PSD3: variants seen among roughly 807,000 people sequenced by gnomAD.
PSD3 encodes PH and SEC7 domain-containing protein 3.
PSD3 carries 49 observed loss-of-function variants against 105.5 expected under a neutral mutation model. The observed-to-expected ratio is 0.46, with a 90% CI of 0.37 to 0.59. PSD3 has a LOEUF of 0.59. PSD3 is among the 20% of genes least tolerant of loss of function. The probability of loss-of-function intolerance (pLI) is 0.00; values close to 1 mark genes in which losing one functional copy is unlikely to be tolerated. For synonymous variants in PSD3, 557 were observed against 457.8 expected, an observed-to-expected ratio of 1.22 and a Z score of -2.77; for missense variants, 1,561 against 1,263.8, an observed-to-expected ratio of 1.24 and a Z score of -3.57.
intron 8 of PSD3, among the ~76,000 whole-genome samples, chr8:18,777,554 C>A (rs1023693483): frequency 2.6e-5 from 4 of 152,056 alleles, no homozygotes; most frequent in African/African-American, 7.2e-5. Context: ...CACATAATAA[C>A]TATACATATT....
At chr8:18,548,746 C>G (rs73209795) in intron 15 of PSD3, among the ~76,000 whole-genome samples, 14,350 of 152,126 alleles carry the variant, frequency 0.094, 771 homozygotes, top group South Asian at 0.18. Context: ...GCATTGGGAG[C>G]TGGCTTGGGG....
At chr8:18,896,879 C>T (rs893611483) in intron 2 of PSD3, among the ~76,000 whole-genome samples, 3 of 151,858 alleles carry the variant, frequency 2.0e-5, no homozygotes, top group Non-Finnish European at 2.9e-5. Flanking sequence ...GGCATGATCT[C>T]GGCTCACCAC....
intron 13 of PSD3, 148 bp downstream of exon 13, chr8:18,574,980 T>C (rs1802383507): frequency 9.3e-6 from 7 of 754,588 alleles, no homozygotes; most frequent in Non-Finnish European, 1.3e-5. Context: ...TCTAATCTTC[T>C]TAGGCAGTTA....
intron 12 of PSD3, among the ~76,000 whole-genome samples, chr8:18,589,031 A>G (rs2130477001): frequency 6.6e-6 from 1 of 152,276 alleles, no homozygotes; most frequent in East Asian, 1.9e-4. Flanking sequence ...GACCCAAGAG[A>G]GTGGAATTTA....
intron 9 of PSD3, among the ~76,000 whole-genome samples, chr8:18,725,897 C>T (rs978869059): frequency 2.6e-5 from 4 of 152,144 alleles, no homozygotes; most frequent in African/African-American, 7.2e-5. Context: ...GAAAGAAATG[C>T]CAAGCTGTAG....
chr8:18,904,803 C>T (rs930659723), intron 2 of PSD3, among the ~76,000 whole-genome samples: 1 of 152,154 alleles, frequency 6.6e-6, no homozygotes, highest in Admixed American at 6.5e-5. Context: ...AAAACAACCA[C>T]AGACAATAGT....
chr8:19,055,398 C>T (rs535942682), intron 1 of PSD3, among the ~76,000 whole-genome samples: 12 of 150,806 alleles, frequency 8.0e-5, no homozygotes, highest in African/African-American at 2.2e-4. Flanking sequence ...GGGTTACAGG[C>T]GCCCGCCACG....
intron 9 of PSD3, among the ~76,000 whole-genome samples, chr8:18,730,954 T>C (rs1803702803): frequency 6.6e-6 from 1 of 152,216 alleles, no homozygotes; most frequent in Non-Finnish European, 1.5e-5. Flanking sequence ...ATGTTTATTT[T>C]TAAATAAAAC....
At chr8:19,066,307 T>G (rs1184241633) in intron 1 of PSD3, among the ~76,000 whole-genome samples, 3 of 152,192 alleles carry the variant, frequency 2.0e-5, no homozygotes, top group African/African-American at 7.2e-5. Flanking sequence ...TCTGAGAAAA[T>G]TTTTCTTTAA....
At chr8:18,944,324 C>T (rs1480602132) in intron 1 of PSD3, among the ~76,000 whole-genome samples, 2 of 152,162 alleles carry the variant, frequency 1.3e-5, no homozygotes, top group Non-Finnish European at 2.9e-5. Context: ...AATCCCAGCA[C>T]TTTGGGAGGC....
intron 9 of PSD3, among the ~76,000 whole-genome samples, chr8:18,731,758 C>T (rs1336526942): frequency 6.6e-6 from 1 of 152,172 alleles, no homozygotes; most frequent in Admixed American, 6.5e-5. Context: ...TAAAATAAAA[C>T]TAGGTAACTA....
At chr8:18,705,400 G>A (rs1014482846) in intron 9 of PSD3, among the ~76,000 whole-genome samples, 3 of 151,766 alleles carry the variant, frequency 2.0e-5, no homozygotes, top group African/African-American at 7.3e-5. Flanking sequence ...GTGTGGTGTC[G>A]TGTGCCTGTA....
chr8:18,683,539 G>A (rs375113371), intron 9 of PSD3, among the ~76,000 whole-genome samples: 14 of 152,246 alleles, frequency 9.2e-5, no homozygotes, highest in African/African-American at 2.9e-4. Flanking sequence ...CACGGCTTTC[G>A]CCCATCTCTT....
intron 15 of PSD3, among the ~76,000 whole-genome samples, chr8:18,538,385 AAT>A (rs1346574935): frequency 1.3e-5 from 2 of 152,234 alleles, no homozygotes; most frequent in African/African-American, 4.8e-5. Context: ...TGCACTATGA[AAT>A]CAGAGGACTG....
intron 1 of PSD3, among the ~76,000 whole-genome samples, chr8:19,072,948 A>T (rs2129478006): frequency 6.6e-6 from 1 of 152,246 alleles, no homozygotes; most frequent in East Asian, 1.9e-4. Context: ...CCCAACTATA[A>T]AGGATGGGGA....
At chr8:18,741,952 G>C (rs931453058) in intron 9 of PSD3, among the ~76,000 whole-genome samples, 30 of 152,122 alleles carry the variant, frequency 2.0e-4, no homozygotes, top group African/African-American at 7.0e-4. Context: ...TGGTCAACCA[G>C]TAATGTATAC....
chr8:18,611,824 G>A (rs1173220088), intron 11 of PSD3, among the ~76,000 whole-genome samples: 1 of 152,156 alleles, frequency 6.6e-6, no homozygotes, highest in Non-Finnish European at 1.5e-5. Flanking sequence ...TTGCTTCTCT[G>A]ATTGTTTGTC....
rs1270261361 is a variant in PSD3, at chr8:18,621,174, G to A, written c.2410+11439C>T. Reference sequence around the variant, plus strand: ...TGCAATCCCAGCACTTCGGGAGGCTGAGAAGGGCAGATTACCTGAGGTCAG... The same window carrying A: ...TGCAATCCCAGCACTTCGGGAGGCTAAGAAGGGCAGATTACCTGAGGTCAG... On this transcript the variant is annotated intron_variant, in intron 11 of 15. Transcript: ENST00000327040. Among the ~76,000 whole-genome samples the A allele has an allele frequency of 2.6e-5, 4 of 152,170 alleles. No individual in the cohort carries two copies. The East Asian group carries it at 7.7e-4, about 29-fold the overall frequency.
At chr8:18,657,123 C>G (rs1808958980) in intron 9 of PSD3, among the ~76,000 whole-genome samples, 4 of 152,178 alleles carry the variant, frequency 2.6e-5, no homozygotes, top group African/African-American at 9.7e-5. Flanking sequence ...AACCTCTTGT[C>G]TTTCAAACAA....
Sources: allele counts gnomAD v4.1 joint callset (sites outside exome capture counted in the v4.1 genomes callset), GRCh38; gene constraint gnomAD v4.1.1; transcripts MANE v1.5; gene names NCBI Gene and HGNC (gene_info 2026-07-23, HGNC 2026-07-21).